BRINP3: variants seen among roughly 807,000 people sequenced by gnomAD.
BRINP3 encodes the protein BMP/retinoic acid-inducible neural-specific protein 3.
Under a neutral mutation model 71.0 loss-of-function variants are expected in BRINP3, and 19 were observed. That is an observed-to-expected ratio of 0.27 (90% confidence interval 0.19 to 0.39). The LOEUF (loss-of-function observed/expected upper bound fraction) is 0.39, where lower values mean the gene tolerates loss of function less well. Among genes scored for constraint, BRINP3 ranks in the 10% least tolerant of loss-of-function variants. The probability of loss-of-function intolerance (pLI) is 1.00; values close to 1 mark genes in which losing one functional copy is unlikely to be tolerated. For synonymous variants in BRINP3, 380 were observed against 337.7 expected, an observed-to-expected ratio of 1.13 and a Z score of -1.37; for missense variants, 959 against 940.8, an observed-to-expected ratio of 1.02 and a Z score of -0.25.
At chr1:190,177,757 A>G (rs1444577813) in intron 6 of BRINP3, among the ~76,000 whole-genome samples, 1 of 152,196 alleles carries the variant, frequency 6.6e-6, no homozygotes, top group Non-Finnish European at 1.5e-5. Flanking sequence ...TTCCTAATGC[A>G]TTATGATGCA....
chr1:190,359,920 ACCT>A (rs1349743253), intron 2 of BRINP3, among the ~76,000 whole-genome samples: 1 of 151,986 alleles, frequency 6.6e-6, no homozygotes, highest in Non-Finnish European at 1.5e-5. Flanking sequence ...AACTCTTTTC[ACCT>A]CCTAATATAT....
In BRINP3 at chr1:190,412,398, T is replaced by C. The variant is rs563669510; in HGVS notation, c.236+42257A>G. ...ACAAAGAAAAGATATATATATATTA[T>C]ATATATATATATATATACACTTTTT... On this transcript the variant is annotated intron_variant, in intron 2 of 7. Transcript: ENST00000367462. 7.7e-5 allele frequency among the ~76,000 whole-genome samples: 4 copies of C among 52,242 alleles called. No homozygotes were observed. In the East Asian group the frequency reaches 1.9e-3, roughly 25 times the overall value. 34.3% of individuals were successfully genotyped at this position (52,242 alleles called of 152,430 possible). A position where few individuals can be genotyped will look rare whatever the true frequency, so the allele number is the denominator to read the frequency against.
chr1:190,213,752 A>T (rs1656181107), intron 6 of BRINP3, among the ~76,000 whole-genome samples: 1 of 151,978 alleles, frequency 6.6e-6, no homozygotes, highest in African/African-American at 2.4e-5. Flanking sequence ...AAATTGCACA[A>T]TTGAAATGAG....
Position 190,281,582 on chromosome 1 carries a change from G to T in BRINP3, c.405C>A (p.Phe135Leu). The change falls in exon 3 of 8, where the codon TTC becomes TTA. Residue 135 changes from phenylalanine to leucine, a missense_variant. Physicochemically the swap from Phe to Leu is conservative, Grantham distance 22. Coordinates refer to ENST00000367462, the MANE Select transcript of BRINP3 (RefSeq NM_199051.3). ...ENLIKKYGTHFLLSATLGGEE... is the reference protein window; with the variant it reads ...ENLIKKYGTHLLLSATLGGEE... ...TACCTCCCAGAGTAGCAGATAGCAA[G>T]AAATGTGTCCCATATTTCTTGATAA... 2 of 1,612,600 alleles carry T rather than the reference G, an allele frequency of 1.2e-6. No homozygotes were observed. Among genetic ancestry groups the T allele is most frequent in the Non-Finnish European group, 8.5e-7 (1 of 1,179,096 alleles).
At chr1:190,298,834 T>C (rs971608552) in intron 2 of BRINP3, among the ~76,000 whole-genome samples, 34 of 152,144 alleles carry the variant, frequency 2.2e-4, no homozygotes, top group Non-Finnish European at 4.1e-4. Context: ...TTTGTTGACA[T>C]TGTTGTGTTC....
intron 2 of BRINP3, 31 bp from the exon 3 acceptor site, chr1:190,281,781 T>C (rs1285328082): frequency 1.3e-6 from 2 of 1,586,430 alleles, no homozygotes; most frequent in African/African-American, 1.4e-5. Flanking sequence ...TATTCATAAA[T>C]GCATAATCTA....
rs772247112 is a variant in BRINP3, at chr1:190,265,044, G to A, written c.439C>T (p.Leu147Phe). Residue 147 changes from leucine (L) to phenylalanine (F), a missense_variant, in exon 4 of 8, where the codon CTC becomes TTC. Physicochemically the swap from Leu to Phe is conservative, Grantham distance 22. Transcript: ENST00000367462. ...LSATLGGEES[L>F]TIFVDKRKLS... The stretch of plus-strand genomic sequence containing the variant: ...TTCCGCTTGTCCACAAAAATTGTGA[G>A]TGACTCCTCTCCTGCATTAATAATA... The A allele has an allele frequency of 6.2e-7, 1 of 1,605,342 alleles. No individual in the cohort carries two copies. Among genetic ancestry groups the A allele is most frequent in the Non-Finnish European group, 8.5e-7 (1 of 1,177,054 alleles).
chr1:190,107,986 TTTGA>T (rs1652330373), intron 7 of BRINP3, among the ~76,000 whole-genome samples: 2 of 151,858 alleles, frequency 1.3e-5, no homozygotes, highest in East Asian at 1.9e-4. Context: ...TGTTTAGGAG[TTTGA>T]TTGACTAAAA....
chr1:190,273,723 G>A (rs1456131997), intron 3 of BRINP3, among the ~76,000 whole-genome samples: 2 of 151,368 alleles, frequency 1.3e-5, no homozygotes, highest in South Asian at 4.2e-4. Context: ...AGAAATTAAA[G>A]AACCTTCATA....
intron 2 of BRINP3, among the ~76,000 whole-genome samples, chr1:190,338,425 A>G (rs768219886): frequency 1.3e-5 from 2 of 152,046 alleles, no homozygotes; most frequent in African/African-American, 2.4e-5. Flanking sequence ...CTTTAAGTAC[A>G]TGGTAATCTA....
intron 7 of BRINP3, among the ~76,000 whole-genome samples, chr1:190,139,167 G>A (rs1375607848): frequency 1.3e-5 from 2 of 151,712 alleles, no homozygotes; most frequent in African/African-American, 4.8e-5. Flanking sequence ...AAAAATGATC[G>A]GCCCGGAGCC....
chr1:190,364,864 G>T (rs1219507260), intron 2 of BRINP3, among the ~76,000 whole-genome samples: 1 of 151,948 alleles, frequency 6.6e-6, no homozygotes, highest in Non-Finnish European at 1.5e-5. Context: ...GGAGAGAATG[G>T]AACAAGTTAC....
intron 2 of BRINP3, among the ~76,000 whole-genome samples, chr1:190,288,551 C>A (rs1663609593): frequency 6.6e-6 from 1 of 151,752 alleles, no homozygotes; most frequent in Non-Finnish European, 1.5e-5. Flanking sequence ...AAGTTCATAA[C>A]CTCGGTGATA....
chr1:190,382,436 A>G (rs1400376982), intron 2 of BRINP3, among the ~76,000 whole-genome samples: 3 of 152,178 alleles, frequency 2.0e-5, no homozygotes, highest in Admixed American at 1.3e-4. Context: ...TAGCAAATTC[A>G]TACTTCAACT....
At chr1:190,348,563 T>C (rs965802286) in intron 2 of BRINP3, among the ~76,000 whole-genome samples, 3 of 152,174 alleles carry the variant, frequency 2.0e-5, no homozygotes, top group African/African-American at 7.2e-5. Context: ...TAAAGAATTC[T>C]AATTTATGCA....
At chr1:190,375,383 T>C (rs1670119334) in intron 2 of BRINP3, among the ~76,000 whole-genome samples, 1 of 151,920 alleles carries the variant, frequency 6.6e-6, no homozygotes, top group Non-Finnish European at 1.5e-5. Flanking sequence ...AAGAGCACTC[T>C]AACTATGCTT....
At chr1:190,299,982 T>A (rs374832119) in intron 2 of BRINP3, among the ~76,000 whole-genome samples, 1 of 152,014 alleles carries the variant, frequency 6.6e-6, no homozygotes, top group Non-Finnish European at 1.5e-5. Flanking sequence ...TGCCCTTAAC[T>A]TTTTTTCCTT....
chr1:190,365,179 C>T (rs1288559976), intron 2 of BRINP3, among the ~76,000 whole-genome samples: 1 of 151,960 alleles, frequency 6.6e-6, no homozygotes, highest in African/African-American at 2.4e-5. Flanking sequence ...AATCAGAATC[C>T]TGCCTGACTC....
chr1:190,403,027 G>T (rs1183211250), intron 2 of BRINP3, among the ~76,000 whole-genome samples: 1 of 152,014 alleles, frequency 6.6e-6, no homozygotes, highest in Non-Finnish European at 1.5e-5. Flanking sequence ...TATCTTGTCC[G>T]GCAAAACTTC....
Sources: allele counts gnomAD v4.1 joint callset (sites outside exome capture counted in the v4.1 genomes callset), GRCh38; gene constraint gnomAD v4.1.1; transcripts MANE v1.5; gene names NCBI Gene and HGNC (gene_info 2026-07-23, HGNC 2026-07-21).